Variants in ANKRD11 observed in about 807,000 individuals in gnomAD.
ANKRD11 encodes the protein ankyrin repeat domain 11.
A neutral mutation model predicts 195.7 loss-of-function variants in ANKRD11; 17 were observed. The observed-to-expected ratio is 0.09, with a 90% CI of 0.06 to 0.13. The LOEUF is 0.13. Among genes scored for constraint, ANKRD11 ranks in the 10% least tolerant of loss-of-function variants. ANKRD11 has a pLI of 1.00. For missense variants in ANKRD11, 3,735 were observed against 3,566.1 expected, an observed-to-expected ratio of 1.05 and a Z score of -1.21; for synonymous variants, 1,953 against 1,528.1, an observed-to-expected ratio of 1.28 and a Z score of -6.49.
rs1033495790 is a variant in ANKRD11 at position 89,334,295 on chromosome 16, C to T, written c.-59-17217G>A. Among the ~76,000 whole-genome samples, 23 of 152,044 alleles carry T rather than the reference C, an allele frequency of 1.5e-4. 1 individual carries two copies. The highest frequency in any genetic ancestry group is 2.4e-4 in the Non-Finnish European group (16 of 68,010). On this transcript the variant is annotated intron_variant, in intron 2 of 12. Transcript: ENST00000301030. The stretch of plus-strand genomic sequence containing the variant: ...AATCCCTGCTGACTGGGAGTCAACC[C>T]CCAGTGAGTGTACTGCCAATACGGC...
At chr16:89,474,878 G>T (rs918974019) in intron 1 of ANKRD11, among the ~76,000 whole-genome samples, 1 of 152,222 alleles carries the variant, frequency 6.6e-6, no homozygotes, top group Non-Finnish European at 1.5e-5. Context: ...AAAATAAAAT[G>T]TAAGTTAAAT....
At chr16:89,388,106 T>C (rs1319893179) in intron 2 of ANKRD11, among the ~76,000 whole-genome samples, 1 of 152,032 alleles carries the variant, frequency 6.6e-6, no homozygotes, top group East Asian at 1.9e-4. Context: ...AGAGTCCCTG[T>C]ACAGCCTTAC....
At chr16:89,334,173 A>AAAAAAAAAAAAAAAAAC (rs2038224041) in intron 2 of ANKRD11, among the ~76,000 whole-genome samples, 1 of 148,826 alleles carries the variant, frequency 6.7e-6, no homozygotes, top group African/African-American at 2.5e-5. Context: ...AAAAAAAAAA[A>AAAAAAAAAAAAAAAAAC]CAGAGAGAGA....
At chr16:89,347,452 T>C (rs1410735065) in intron 2 of ANKRD11, among the ~76,000 whole-genome samples, 1 of 151,592 alleles carries the variant, frequency 6.6e-6, no homozygotes, top group Non-Finnish European at 1.5e-5. Flanking sequence ...TACTAAAAAA[T>C]ACAAAAAAAT....
chr16:89,444,006 C>A (rs2043660829), intron 1 of ANKRD11, among the ~76,000 whole-genome samples: 1 of 152,098 alleles, frequency 6.6e-6, no homozygotes. Context: ...ACTCCGCAGA[C>A]CAAGAATACA....
chr16:89,427,021 T>G (rs2042744487), intron 1 of ANKRD11, among the ~76,000 whole-genome samples: 1 of 152,202 alleles, frequency 6.6e-6, no homozygotes, highest in Admixed American at 6.5e-5. Flanking sequence ...GAACCATCTC[T>G]TGGTATGCAA....
Position 89,283,630 on chromosome 16 carries a change from G to A in ANKRD11, c.2912C>T (p.Ala971Val), listed in dbSNP as rs2279348. The A allele has an allele frequency of 0.7, 1,122,578 of 1,610,090 alleles. 399,541 individuals are homozygous for A. Among genetic ancestry groups the A allele is most frequent in the Non-Finnish European group, 0.73 (865,605 of 1,179,976 alleles). Residue 971 changes from alanine (A) to valine (V), a missense_variant, in exon 9 of 13, where the codon GCG becomes GTG. Physicochemically the swap from Ala to Val is moderately conservative, Grantham distance 64. Coordinates refer to ENST00000301030, the MANE Select transcript of ANKRD11 (RefSeq NM_013275.6). This position sits in a 1 kb window ranked among gnomAD's most constrained non-coding sequence, Gnocchi z 4.3. ...RRDGRAKPEE[A>V]HREELKECGC... is the part of the protein sequence containing the mutation. ...ACACTCCTTCAGCTCCTCCCGGTGC[G>A]CCTCCTCGGGCTTGGCCCTGCCGTC...
chr16:89,482,589 G>A (rs144851571), intron 1 of ANKRD11, among the ~76,000 whole-genome samples: 213 of 152,328 alleles, frequency 1.4e-3, no homozygotes, highest in African/African-American at 4.2e-3. Context: ...AGATGACCTC[G>A]CAGTGCTCGG....
rs764356904 is a variant in ANKRD11, at chr16:89,282,673, T to G, written c.3869A>C (p.His1290Pro). 1.1e-5 allele frequency: 18 copies of G among 1,614,024 alleles called. No homozygotes were observed. The highest frequency in any genetic ancestry group is 3.3e-4 in the Middle Eastern group (2 of 6,082). The stretch of plus-strand genomic sequence containing the variant: ...ATCGTTGGAGTCTTCTCTGTACTCA[T>G]GGAGAGCCTCTTCTTCCAACTTTTC... ...LLEKLEEEAL[H>P]EYREDSNDKI... is the part of the protein sequence containing the mutation. Residue 1290 changes from histidine to proline, a missense_variant, in exon 9 of 13, where the codon CAT becomes CCT. By Grantham distance (77) the His-to-Pro change is moderately conservative (BLOSUM62 -2). Transcript: ENST00000301030.
chr16:89,401,844 G>A (rs966429843), intron 2 of ANKRD11, among the ~76,000 whole-genome samples: 3 of 152,094 alleles, frequency 2.0e-5, no homozygotes, highest in African/African-American at 7.2e-5. Flanking sequence ...CTACAAGCCC[G>A]GGCGCACCAG....
intron 2 of ANKRD11, among the ~76,000 whole-genome samples, chr16:89,328,422 G>C (rs1366349417): frequency 1.3e-5 from 2 of 152,228 alleles, no homozygotes; most frequent in African/African-American, 2.4e-5. Flanking sequence ...ACTGATAATA[G>C]ACAATGGGGA....
chr16:89,316,629 C>A (rs976593051), intron 3 of ANKRD11, among the ~76,000 whole-genome samples: 1 of 152,220 alleles, frequency 6.6e-6, no homozygotes, highest in African/African-American at 2.4e-5. Flanking sequence ...CTAACAGGAG[C>A]CAGGACAGAA....
At chr16:89,373,615 C>CG (rs1396641427) in intron 2 of ANKRD11, 2 of 152,228 alleles carry the variant, frequency 1.3e-5, no homozygotes, top group Admixed American at 6.5e-5. Context: ...AGGCTGACGT[C>CG]GGAAGTTCAC....
intron 2 of ANKRD11, among the ~76,000 whole-genome samples, chr16:89,377,911 G>T (rs933959143): frequency 6.6e-6 from 1 of 151,564 alleles, no homozygotes; most frequent in African/African-American, 2.4e-5. Context: ...TCTACTCAAT[G>T]AAATGATGAG....
At chr16:89,268,728 C>T in intron 12 of ANKRD11, 65 bp from the exon 13 acceptor site, 2 of 1,531,474 alleles carry the variant, frequency 1.3e-6, no homozygotes, top group South Asian at 2.4e-5. Context: ...ACTCTGCCGA[C>T]CTCAGCTGCC....
chr16:89,313,641 G>C, intron 3 of ANKRD11: 1 of 1,273,496 alleles, frequency 7.9e-7, no homozygotes, highest in Non-Finnish European at 1.0e-6. Context: ...AGAAAAGGGA[G>C]TTTATGGTAG....
chr16:89,362,010 A>G (rs2039754804), intron 2 of ANKRD11, among the ~76,000 whole-genome samples: 1 of 152,188 alleles, frequency 6.6e-6, no homozygotes, highest in South Asian at 2.1e-4. Flanking sequence ...AGGACCCTGA[A>G]TTTATGGGAG....
Position 89,284,913 on chromosome 16 carries a change from G to T in ANKRD11, c.1629C>A (p.Thr543=), listed in dbSNP as rs141036955. The T allele has an allele frequency of 3.7e-6, 6 of 1,614,180 alleles. No individual in the cohort carries two copies. Among genetic ancestry groups the T allele is most frequent in the Non-Finnish European group, 5.1e-6 (6 of 1,180,038 alleles). The change falls in exon 9 of 13, where the codon ACC becomes ACA. Residue 543 remains threonine (T), a synonymous_variant. Coordinates refer to ENST00000301030, the MANE Select transcript of ANKRD11 (RefSeq NM_013275.6). ...TCCAATTGTCTGTCCGCCAGTGCTT[G>T]GTGTGCTGGTCTGTGTGGCTGGGGT... ...KQNPSHTDQH[T]KHWRTDNWKT... is the part of the protein sequence containing the mutation.
At chr16:89,370,086 T>G (rs2040128726) in intron 2 of ANKRD11, among the ~76,000 whole-genome samples, 1 of 152,150 alleles carries the variant, frequency 6.6e-6, no homozygotes, top group East Asian at 1.9e-4. Context: ...AGGAAGAATC[T>G]CAGGCATGGC....
Sources: allele counts gnomAD v4.1 joint callset (sites outside exome capture counted in the v4.1 genomes callset), GRCh38; gene constraint gnomAD v4.1.1; non-coding constraint Gnocchi (gnomAD v3.1); transcripts MANE v1.5; gene names NCBI Gene and HGNC (gene_info 2026-07-23, HGNC 2026-07-21).